The following LMF2 variants were observed in gnomAD, a reference collection of about 807,000 sequenced individuals.
The protein encoded by LMF2 is transmembrane protein 112B.
LMF2 carries 113 observed loss-of-function variants against 81.5 expected under a neutral mutation model. The ratio of observed to expected loss-of-function variants is 1.39; its 90% CI spans 1.19 to 1.62. LMF2 has a LOEUF of 1.62. Ranked by LOEUF, LMF2 falls within the 40% of genes most tolerant of loss-of-function variation. The probability of loss-of-function intolerance (pLI) is 0.00; values close to 1 mark genes in which losing one functional copy is unlikely to be tolerated. For synonymous variants in LMF2, 645 were observed against 424.5 expected (o/e 1.52, Z -6.39); for missense variants, 1,235 against 929.1 (o/e 1.33, Z -4.28).
intron 5 of LMF2, 80 bp from the exon 6 acceptor site, chr22:50,505,895 G>A: frequency 3.8e-6 from 6 of 1,588,102 alleles, no homozygotes; most frequent in Non-Finnish European, 5.1e-6. Context: ...CCTGCAGGGT[G>A]CATCCCTCTG....
In LMF2 at chr22:50,507,679, C is replaced by T; in HGVS notation, c.-4G>A. On this transcript the variant is annotated 5_prime_UTR_variant, in exon 1 of 14. Transcript: ENST00000474879. The stretch of plus-strand genomic sequence containing the variant: ...GCGGGAGCCGGGAGCCCGCCATGTC[C>T]GCTACGCGGCCCGCTAGAGCAGGGC... The T allele has an allele frequency of 6.5e-7, 1 of 1,548,890 alleles. No homozygotes were observed. Among genetic ancestry groups the T allele is most frequent in the South Asian group, 1.2e-5 (1 of 84,082 alleles).
chr22:50,504,495 G>GCCCCCCCCCCCCCCCCCCCCCCCCCCCC, intron 11 of LMF2, 44 bp from the exon 12 acceptor site: 4 of 1,339,590 alleles, frequency 3.0e-6, no homozygotes, highest in Non-Finnish European at 4.1e-6. Flanking sequence ...TACCCGCCCT[G>GCCCCCCCCCCCCCCCCCCCCCCCCCCCC]CCCCTCCCCT....
In LMF2 at chr22:50,505,495, T is replaced by A. The variant is rs755860692; in HGVS notation, c.959A>T (p.Glu320Val). ...GGCCAGAAGCCCGTAGACGGCTAGT[T>A]CCAGCAGCAGCGACAGGGTGGCCAG... ...ALLATLSLLL[E>V]LAVYGLLAYG... The change falls in exon 7 of 14, where the codon GAA becomes GTA. Residue 320 changes from glutamate to valine, a missense_variant. Transcript: ENST00000474879. 3.1e-6 allele frequency: 5 copies of A among 1,612,796 alleles called. No homozygotes were observed. The highest frequency in any genetic ancestry group is 4.2e-6 in the Non-Finnish European group (5 of 1,180,014).
Position 50,506,068 on chromosome 22 carries a change from A to C in LMF2, c.741T>G (p.Ile247Met). 2 of 1,591,666 alleles carry C rather than the reference A, an allele frequency of 1.3e-6. No individual in the cohort carries two copies. Among genetic ancestry groups the C allele is most frequent in the Non-Finnish European group, 8.6e-7 (1 of 1,169,472 alleles). ...AGAAAGCAGCCAAGCGCAGGCGTCG[A>C]ATGGGGGCGAAGAACAGGGGCGGCA... ...IAVPPLFFAP[I>M]RRLRLAAFYS... The change falls in exon 5 of 14, where the codon ATT (isoleucine) becomes ATG (methionine). Residue 247 changes from isoleucine to methionine, a missense_variant. Coordinates refer to ENST00000474879, the MANE Select transcript of LMF2 (RefSeq NM_033200.3).
rs1490841633 is a variant in LMF2 at position 50,503,817 on chromosome 22, A to G, written c.1806T>C (p.Phe602=). Residue 602 remains phenylalanine, a synonymous_variant, in exon 13 of 14, where the codon TTT becomes TTC. Transcript: ENST00000474879. ...GCTGACACCCCCTTACCTGTAGTCC[A>G]AACTGCCTGAGCAGCGTCTCCAGCG... ...DPTLETLLRQ[F]GLQEKSPPRT... is the part of the protein sequence containing the mutation. The G allele has an allele frequency of 8.1e-6, 13 of 1,605,340 alleles. 1 individual carries two copies. In the South Asian group the frequency reaches 1.3e-4, roughly 16 times the overall value.
chr22:50,504,504 C>A, intron 11 of LMF2, 53 bp from the exon 12 acceptor site: 1 of 1,498,400 alleles, frequency 6.7e-7, no homozygotes, highest in Non-Finnish European at 9.0e-7. Flanking sequence ...TGCCCCTCCC[C>A]TCCCCACCCC....
chr22:50,505,671 C>T lies in LMF2; in HGVS notation c.916+3G>A, dbSNP rs539337615. On this transcript the variant is annotated splice_donor_region_variant and intron_variant, in intron 6 of 13. Coordinates refer to ENST00000474879, the MANE Select transcript of LMF2 (RefSeq NM_033200.3). ...GGCAGGGGGCTGGACAAGTGACACG[C>T]ACAGGTGGCCGTCTTCTTGCGGCTG... The T allele has an allele frequency of 2.3e-4, 369 of 1,612,784 alleles. 3 individuals carry two copies. In the Admixed American group the frequency reaches 6.1e-3, roughly 26 times the overall value.
intron 2 of LMF2, 21 bp downstream of exon 2, chr22:50,506,761 C>G: frequency 6.2e-7 from 1 of 1,612,268 alleles, no homozygotes; most frequent in Non-Finnish European, 8.5e-7. Context: ...ATAGAGTGAG[C>G]TGGTCACAGG....
intron 1 of LMF2, 74 bp downstream of exon 1, chr22:50,507,508 G>T: frequency 8.4e-7 from 1 of 1,185,114 alleles, no homozygotes. Context: ...GACTGCGTGA[G>T]TGCCGGGCAC....
chr22:50,503,583 C>T lies in LMF2; in HGVS notation c.1932G>A (p.Met644Ile). Reference protein sequence around the residue: ...EAPALLWGLLMAVGAVRFVQA... With the variant: ...EAPALLWGLLIAVGAVRFVQA... ...GCACAAATCTGACAGCCCCCACGGC[C>T]ATGAGGAGCCCCCAGAGCAGGGCGG... is the stretch of plus-strand genomic sequence containing the variant. The change falls in exon 14 of 14, where the codon ATG becomes ATA. Residue 644 changes from methionine (M) to isoleucine (I), a missense_variant. Coordinates refer to ENST00000474879, the MANE Select transcript of LMF2 (RefSeq NM_033200.3). 1 of 1,545,416 alleles carries T rather than the reference C, an allele frequency of 6.5e-7. No homozygotes were observed. Among genetic ancestry groups the T allele is most frequent in the Non-Finnish European group, 8.7e-7 (1 of 1,148,446 alleles).
chr22:50,505,552 A>G lies in LMF2; in HGVS notation c.917-15T>C. 1 of 1,612,340 alleles carries G rather than the reference A, an allele frequency of 6.2e-7. No homozygotes were observed. Among genetic ancestry groups the G allele is most frequent in the Non-Finnish European group, 8.5e-7 (1 of 1,179,952 alleles). ...CTTGGGCCAGGCTGTGGGGCAGGAC[A>G]GTCATGGGTCAGCAGAGGGTCCCCA... On this transcript the variant is annotated splice_polypyrimidine_tract_variant and intron_variant, in intron 6 of 13. Coordinates refer to ENST00000474879, the MANE Select transcript of LMF2 (RefSeq NM_033200.3).
chr22:50,507,366 C>A, intron 1 of LMF2: 4 of 610,282 alleles, frequency 6.6e-6, no homozygotes, highest in South Asian at 1.9e-5. Flanking sequence ...TTCTGTCCCC[C>A]ACCCCAGGTC....
chr22:50,505,467 A>G lies in LMF2; in HGVS notation c.987T>C (p.Tyr329=), dbSNP rs966131083. Reference sequence around the variant, plus strand: ...CCAGGCCAAAGTAGTGCACAGTGCCATAGGCCAGAAGCCCGTAGACGGCTA... The same window carrying G: ...CCAGGCCAAAGTAGTGCACAGTGCCGTAGGCCAGAAGCCCGTAGACGGCTA... ...LELAVYGLLA[Y]GTVHYFGLEV... is the part of the protein sequence containing the mutation. Residue 329 remains tyrosine, a synonymous_variant, in exon 7 of 14, where the codon TAT becomes TAC. Coordinates refer to ENST00000474879, the MANE Select transcript of LMF2 (RefSeq NM_033200.3). 3.1e-6 allele frequency: 5 copies of G among 1,612,902 alleles called. No homozygotes were observed. The highest frequency in any genetic ancestry group is 2.7e-5 in the African/African-American group (2 of 74,956).
In LMF2 at chr22:50,504,933, CCCCGGTCCAGAGGCGCCCGTGGGT is replaced by C. The variant is rs1569518272; in HGVS notation, c.1282_1305del (p.Thr428_Gly435del). On this transcript the variant is annotated inframe_deletion, in exon 10 of 14. Coordinates refer to ENST00000474879, the MANE Select transcript of LMF2 (RefSeq NM_033200.3). ...TCCACGGCACCAAACAGGCGGTGGG[CCCCGGTCCAGAGGCGCCCGTGGGT>C]CCCGGGCTCCACGTAGGAGTACGGC... is the stretch of plus-strand genomic sequence containing the variant. 2.5e-6 allele frequency: 4 copies of C among 1,607,204 alleles called. No homozygotes were observed. Among genetic ancestry groups the C allele is most frequent in the Non-Finnish European group, 3.4e-6 (4 of 1,176,818 alleles).
At position 50,506,992 on chromosome 22, in the gene LMF2, C is replaced by A. The variant is rs749244193; in HGVS notation, c.138G>T (p.Leu46=). The A allele has an allele frequency of 3.8e-6, 6 of 1,595,098 alleles. No individual in the cohort carries two copies. Among genetic ancestry groups the A allele is most frequent in the Middle Eastern group, 1.9e-4 (1 of 5,148 alleles). ...GCCAGCGCCCCTTGCCCTGAGGCCGCAGCGTCCTCCTTGCAGGTAGGATGC... is the reference window on the plus strand; with the variant it reads ...GCCAGCGCCCCTTGCCCTGAGGCCGAAGCGTCCTCCTTGCAGGTAGGATGC... ...PEGILPARRT[L]RPQGKGRWQQ... The change falls in exon 2 of 14, where the codon CTG becomes CTT. Residue 46 remains leucine, a synonymous_variant. Coordinates refer to ENST00000474879, the MANE Select transcript of LMF2 (RefSeq NM_033200.3).
Position 50,503,754 on chromosome 22 carries a change from G to A in LMF2, c.1815+54C>T, listed in dbSNP as rs867638300. The A allele has an allele frequency of 2.4e-5, 38 of 1,591,220 alleles. 1 individual carries two copies. In the Middle Eastern group the frequency reaches 1.2e-3, roughly 49 times the overall value. The stretch of plus-strand genomic sequence containing the variant: ...GGGAAGTGCTTACTGGGTTTACCCC[G>A]GGAGGCTGGGGTCACCCCTGCCACC... On this transcript the variant is annotated intron_variant, in intron 13 of 13. Coordinates refer to ENST00000474879, the MANE Select transcript of LMF2 (RefSeq NM_033200.3).
At position 50,505,348 on chromosome 22, in the gene LMF2, G is replaced by T. The variant is rs191369082; in HGVS notation, c.1052-14C>A. The stretch of plus-strand genomic sequence containing the variant: ...GGAAGGTGAAAGCTGGTGGAGGAGG[G>T]GGGTGTGAGGACTGGTCCGCCCCTG... On this transcript the variant is annotated splice_polypyrimidine_tract_variant and intron_variant, in intron 7 of 13. Coordinates refer to ENST00000474879, the MANE Select transcript of LMF2 (RefSeq NM_033200.3). The T allele has an allele frequency of 2.4e-4, 390 of 1,613,258 alleles. 1 individual carries two copies. The East Asian group carries it at 8.2e-3, about 34-fold the overall frequency.
Position 50,503,495 on chromosome 22 carries a change from G to T in LMF2, c.2020C>A (p.Arg674Ser), listed in dbSNP as rs5770848. 414 of 1,586,002 alleles carry T rather than the reference G, an allele frequency of 2.6e-4. 6 individuals carry two copies. The East Asian group carries it at 6.9e-3, about 27-fold the overall frequency. Residue 674 changes from arginine (R) to serine (S), a missense_variant, in exon 14 of 14, where the codon CGC (arginine) becomes AGC (serine). Coordinates refer to ENST00000474879, the MANE Select transcript of LMF2 (RefSeq NM_033200.3). ...GAGTCTTTCTGGGAGGCTGGCCTGCGCTTCTCCCCGCTGACTGGTGCCAGC... is the reference window on the plus strand; with the variant it reads ...GAGTCTTTCTGGGAGGCTGGCCTGCTCTTCTCCCCGCTGACTGGTGCCAGC... ...SPLAPVSGEK[R>S]RPASQKDSGA...
Position 50,504,881 on chromosome 22 carries a change from C to T in LMF2, c.1358G>A (p.Gly453Asp). ...AAGCCCAGTCATGCGGCGGAAGAGG[C>T]CGTAGGAGTTGGCCAGCTGTAGGTG... is the stretch of plus-strand genomic sequence containing the variant. ...VEHLQLANSY[G>D]LFRRMTGLGG... is the part of the protein sequence containing the mutation. The change falls in exon 10 of 14, where the codon GGC becomes GAC. Residue 453 changes from glycine (G) to aspartate (D), a missense_variant. By Grantham distance (94) the Gly-to-Asp change is moderately conservative. Coordinates refer to ENST00000474879, the MANE Select transcript of LMF2 (RefSeq NM_033200.3). 3 of 1,610,862 alleles carry T rather than the reference C, an allele frequency of 1.9e-6. No homozygotes were observed. Among genetic ancestry groups the T allele is most frequent in the African/African-American group, 2.7e-5 (2 of 74,966 alleles).
Sources: gnomAD v4.1 joint callset for allele counts on GRCh38, gnomAD v4.1.1 for gene constraint, MANE v1.5 for transcripts, NCBI Gene and HGNC (gene_info 2026-07-23, HGNC 2026-07-21) for gene names.